MAP1LC3B2: variants seen among roughly 807,000 people sequenced by gnomAD.
MAP1LC3B2 encodes the protein microtubule-associated protein 1 light chain 3 beta 2.
For synonymous variants in MAP1LC3B2, 62 were observed against 57.8 expected, an observed-to-expected ratio of 1.07 and a Z score of -0.33; for missense variants, 155 against 154.6, an observed-to-expected ratio of 1.00 and a Z score of -0.01.
intron 1 of MAP1LC3B2, chr12:116,560,074 A>G (rs1869210961): frequency 6.6e-6 from 1 of 150,562 alleles, no homozygotes; most frequent in Admixed American, 6.6e-5. Context: ...TCAAGAAAAA[A>G]AAAACAAAAA....
Position 116,576,073 on chromosome 12 carries a change from T to C in MAP1LC3B2, c.131T>C (p.Leu44Pro), listed in dbSNP as rs1215982264. The C allele has an allele frequency of 1.2e-6, 2 of 1,614,226 alleles. No individual in the cohort carries two copies. The highest frequency in any genetic ancestry group is 1.1e-5 in the South Asian group (1 of 91,088). Reference protein sequence around the residue: ...IIERYKGEKQLPVLDKTKFLV... With the variant: ...IIERYKGEKQPPVLDKTKFLV... Reference sequence around the variant, plus strand: ...GAACGATACAAGGGTGAGAAGCAGCTTCCTGTTCTGGATAAAACAAAGTTC... The same window carrying C: ...GAACGATACAAGGGTGAGAAGCAGCCTCCTGTTCTGGATAAAACAAAGTTC... Residue 44 changes from leucine to proline, a missense_variant, in exon 2 of 2, where the codon CTT becomes CCT. Transcript: ENST00000556529.
chr12:116,566,514 C>A (rs1475896749), intron 1 of MAP1LC3B2, among the ~76,000 whole-genome samples: 2 of 148,738 alleles, frequency 1.3e-5, no homozygotes, highest in Non-Finnish European at 3.0e-5. Flanking sequence ...CAAAACACCC[C>A]AAATCCTTAA....
intron 1 of MAP1LC3B2, among the ~76,000 whole-genome samples, chr12:116,570,142 G>A (rs1869490743): frequency 6.6e-6 from 1 of 152,140 alleles, no homozygotes; most frequent in African/African-American, 2.4e-5. Context: ...AGAAGAAGGG[G>A]CAAAGAGGGA....
chr12:116,561,041 C>T (rs762291968), intron 1 of MAP1LC3B2, among the ~76,000 whole-genome samples: 2 of 151,932 alleles, frequency 1.3e-5, no homozygotes, highest in Non-Finnish European at 2.9e-5. Context: ...CACTTGAATC[C>T]GGGAAGCAGA....
In MAP1LC3B2 at chr12:116,570,667, T is replaced by C. The variant is rs146716508; in HGVS notation, c.-101-5175T>C. Among the ~76,000 whole-genome samples the C allele has an allele frequency of 5.6e-3, 850 of 152,302 alleles. 11 individuals carry two copies. The highest frequency in any genetic ancestry group is 0.019 in the African/African-American group (791 of 41,564). On this transcript the variant is annotated intron_variant, in intron 1 of 1. Transcript: ENST00000556529. ...GCCTGCTGCCATGTAAGATGTGCCTTTTGCCTTCCACCATGATTGTGAGGC... is the reference window on the plus strand; with the variant it reads ...GCCTGCTGCCATGTAAGATGTGCCTCTTGCCTTCCACCATGATTGTGAGGC...
intron 1 of MAP1LC3B2, among the ~76,000 whole-genome samples, chr12:116,566,493 C>T (rs1310987693): frequency 6.6e-6 from 1 of 151,682 alleles, no homozygotes; most frequent in Non-Finnish European, 1.5e-5. Flanking sequence ...GTGTGTGTAA[C>T]CTCTACAAAA....
chr12:116,570,843 T>C (rs549031420), intron 1 of MAP1LC3B2, among the ~76,000 whole-genome samples: 1 of 152,336 alleles, frequency 6.6e-6, no homozygotes, highest in South Asian at 2.1e-4. Flanking sequence ...GTATGATAGG[T>C]TTACCAGGAT....
At position 116,575,831 on chromosome 12, in the gene MAP1LC3B2, T is replaced by A; in HGVS notation, c.-101-11T>A. On this transcript the variant is annotated splice_polypyrimidine_tract_variant and intron_variant, in intron 1 of 1. Transcript: ENST00000556529. The stretch of plus-strand genomic sequence containing the variant: ...CAACTACTCAGCTCTGTTGTTATTG[T>A]GCAAAAATAGCCTTACACGGCCACA... 1 of 1,261,506 alleles carries A rather than the reference T, an allele frequency of 7.9e-7. No individual in the cohort carries two copies. The highest frequency in any genetic ancestry group is 2.2e-4 in the Middle Eastern group (1 of 4,618). The allele number at this position is 1,261,506 out of a possible 1,614,324, so 78.1% of individuals were successfully genotyped here.
chr12:116,563,730 A>G (rs1450966763), intron 1 of MAP1LC3B2, among the ~76,000 whole-genome samples: 4 of 152,150 alleles, frequency 2.6e-5, no homozygotes, highest in Non-Finnish European at 5.9e-5. Flanking sequence ...AACTGCAATT[A>G]TTCGTAGGAT....
intron 1 of MAP1LC3B2, among the ~76,000 whole-genome samples, chr12:116,564,408 G>T (rs1869340152): frequency 6.6e-6 from 1 of 151,124 alleles, no homozygotes; most frequent in African/African-American, 2.4e-5. Context: ...TTTTTTTTAA[G>T]GCTTTTTTTT....
chr12:116,566,616 T>TAAAAAA (rs58530141), intron 1 of MAP1LC3B2, among the ~76,000 whole-genome samples: 10 of 91,642 alleles, frequency 1.1e-4, no homozygotes, highest in South Asian at 4.1e-4. Flanking sequence ...AGTCAGTGAT[T>TAAAAAA]AAAAAAAAAA....
At chr12:116,573,151 T>G (rs1869582893) in intron 1 of MAP1LC3B2, among the ~76,000 whole-genome samples, 1 of 152,248 alleles carries the variant, frequency 6.6e-6, no homozygotes, top group African/African-American at 2.4e-5. Flanking sequence ...CTCAAACTTC[T>G]GATCTTAGGT....
chr12:116,565,554 G>A (rs1458395263), intron 1 of MAP1LC3B2, among the ~76,000 whole-genome samples: 2 of 152,150 alleles, frequency 1.3e-5, no homozygotes, highest in South Asian at 2.1e-4. Context: ...ATGGGATTTG[G>A]GTGGGGACAC....
At chr12:116,560,187 G>GATATAT (rs1869216084) in intron 1 of MAP1LC3B2, 1 of 81,508 alleles carries the variant, frequency 1.2e-5, no homozygotes, top group African/African-American at 5.0e-5. Context: ...GCTAAGTTTG[G>GATATAT]CTATATATAT....
intron 1 of MAP1LC3B2, among the ~76,000 whole-genome samples, chr12:116,575,565 A>G (rs1869650842): frequency 6.6e-6 from 1 of 152,136 alleles, no homozygotes. Context: ...GACCCAGCTG[A>G]GGTTTGTGTC....
At chr12:116,563,320 TG>T (rs111380798) in intron 1 of MAP1LC3B2, among the ~76,000 whole-genome samples, 16,802 of 152,180 alleles carry the variant, frequency 0.11, 1,742 homozygotes, top group Admixed American at 0.28. Flanking sequence ...TACCACTTTT[TG>T]TCAGTAAAAC....
At chr12:116,573,870 G>A (rs1869605250) in intron 1 of MAP1LC3B2, among the ~76,000 whole-genome samples, 2 of 152,178 alleles carry the variant, frequency 1.3e-5, no homozygotes, top group African/African-American at 2.4e-5. Context: ...GGCAAAACAT[G>A]GGGCAAGGCT....
At chr12:116,573,996 G>T (rs1409380037) in intron 1 of MAP1LC3B2, among the ~76,000 whole-genome samples, 1 of 152,164 alleles carries the variant, frequency 6.6e-6, no homozygotes, top group Non-Finnish European at 1.5e-5. Context: ...TTACCCATCA[G>T]ATTGGCAAAA....
rs374196587 is a variant in MAP1LC3B2, at chr12:116,575,923, G to T, written c.-20G>T. On this transcript the variant is annotated 5_prime_UTR_variant, in exon 2 of 2. Coordinates refer to ENST00000556529, the MANE Select transcript of MAP1LC3B2 (RefSeq NM_001085481.3). ...CCGGGACCCTCGCGTCGTCGCCGCC[G>T]CGGCCCAGATCCCCACACCATGCCG... The T allele has an allele frequency of 3.8e-6, 6 of 1,587,974 alleles. No individual in the cohort carries two copies. The highest frequency in any genetic ancestry group is 4.3e-6 in the Non-Finnish European group (5 of 1,158,310).
Sources: gnomAD v4.1 joint callset for allele counts (sites outside exome capture counted in the v4.1 genomes callset) on GRCh38, gnomAD v4.1.1 for gene constraint, MANE v1.5 for transcripts, NCBI Gene and HGNC (gene_info 2026-07-23, HGNC 2026-07-21) for gene names.